The following INTU variants were observed in gnomAD, a reference collection of about 807,000 sequenced individuals.
INTU encodes protein inturned.
A neutral mutation model predicts 100.5 loss-of-function variants in INTU; 68 were observed. The ratio of observed to expected loss-of-function variants is 0.68; its 90% CI spans 0.56 to 0.83. The LOEUF (loss-of-function observed/expected upper bound fraction) is 0.83. INTU is among the 40% of genes least tolerant of loss of function. The pLI is 0.00. For missense variants in INTU, 1,071 were observed against 1,114.7 expected, an observed-to-expected ratio of 0.96 and a Z score of 0.56; for synonymous variants, 357 against 395.7, an observed-to-expected ratio of 0.90 and a Z score of 1.16.
chr4:127,656,622 T>TA lies in INTU; in HGVS notation c.683-13dup, dbSNP rs753699061. The TA allele has an allele frequency of 6.3e-7, 1 of 1,584,100 alleles. No homozygotes were observed. The highest frequency in any genetic ancestry group is 8.7e-7 in the Non-Finnish European group (1 of 1,153,460). The stretch of plus-strand genomic sequence containing the variant: ...TATTCATAAAACTATCTTTTATTGT[T>TA]ATTCTGGTTTCAGGTGATGTCCTTG... On this transcript the variant is annotated splice_polypyrimidine_tract_variant and intron_variant, in intron 2 of 15. Coordinates refer to ENST00000335251, the MANE Select transcript of INTU (RefSeq NM_015693.4).
intron 8 of INTU, among the ~76,000 whole-genome samples, chr4:127,689,195 G>C (rs1729991068): frequency 6.6e-6 from 1 of 151,430 alleles, no homozygotes; most frequent in Admixed American, 6.6e-5. Flanking sequence ...TGTTTCCCAG[G>C]CTGGTCTCGA....
In INTU at chr4:127,637,394, T is replaced by A. The variant is rs557625444; in HGVS notation, c.146+4214T>A. Among the ~76,000 whole-genome samples the A allele has an allele frequency of 2.4e-3, 364 of 152,372 alleles. 2 individuals carry two copies. Among genetic ancestry groups the A allele is most frequent in the African/African-American group, 8.3e-3 (346 of 41,592 alleles). ...AGATCTGTCCCAAGTCTTTCTTGTC[T>A]CATTTCTATTGATCTCCCTGTTCAT... On this transcript the variant is annotated intron_variant, in intron 1 of 15. Transcript: ENST00000335251.
chr4:127,678,387 A>G lies in INTU; in HGVS notation c.1181+4174A>G, dbSNP rs1305681688. ...TTACCCACAAAGGGAAGCCCATCAG[A>G]CTAACAGTGGATCTCTCGGCAGAAA... On this transcript the variant is annotated intron_variant, in intron 6 of 15. Coordinates refer to ENST00000335251, the MANE Select transcript of INTU (RefSeq NM_015693.4). 2.6e-5 allele frequency among the ~76,000 whole-genome samples: 4 copies of G among 152,370 alleles called. No homozygotes were observed. In the South Asian group the frequency reaches 8.3e-4, roughly 32 times the overall value.
intron 6 of INTU, among the ~76,000 whole-genome samples, chr4:127,676,771 A>G (rs1210450250): frequency 6.6e-6 from 1 of 152,160 alleles, no homozygotes; most frequent in Non-Finnish European, 1.5e-5. Flanking sequence ...GCAGCGCACC[A>G]TGCCTGAGCC....
In INTU at chr4:127,652,446, G is replaced by C. The variant is rs1267807610; in HGVS notation, c.683-4190G>C. ...TTAGCATGAAGGGTTGTTGAATTTT[G>C]TCAAAGGCTTTTTCTGCATCTATTG... On this transcript the variant is annotated intron_variant, in intron 2 of 15. Coordinates refer to ENST00000335251, the MANE Select transcript of INTU (RefSeq NM_015693.4). 3.6e-4 allele frequency among the ~76,000 whole-genome samples: 44 copies of C among 121,938 alleles called. No homozygotes were observed. The East Asian group carries it at 9.0e-3, about 25-fold the overall frequency. The allele number at this position is 121,938 out of a possible 152,430, so 80.0% of individuals were successfully genotyped here.
Position 127,643,530 on chromosome 4 carries a change from G to A in INTU, c.156G>A (p.Glu52=). Residue 52 remains glutamate, a synonymous_variant, in exon 2 of 16, where the codon GAG becomes GAA. Transcript: ENST00000335251. The part of the protein sequence containing the change: ...SSASSDYDDL[E]PEWLDSVQKN... ...TTTCTCTCTTTCATAGTGATCTTGA[G>A]CCTGAATGGCTGGACAGTGTGCAGA... 2 of 1,590,188 alleles carry A rather than the reference G, an allele frequency of 1.3e-6. No individual in the cohort carries two copies. The highest frequency in any genetic ancestry group is 4.5e-5 in the East Asian group (2 of 44,738).
Position 127,643,654 on chromosome 4 carries a change from G to T in INTU, c.280G>T (p.Glu94Ter). 1 of 1,613,810 alleles carries T rather than the reference G, an allele frequency of 6.2e-7. No homozygotes were observed. Among genetic ancestry groups the T allele is most frequent in the Non-Finnish European group, 8.5e-7 (1 of 1,179,942 alleles). Reference sequence around the variant, plus strand: ...GAACCATGTCAGGTTCAGTGAAAATGAGATTATCATTGAAGATGACTACAA... The same window carrying T: ...GAACCATGTCAGGTTCAGTGAAAATTAGATTATCATTGAAGATGACTACAA... Reference protein sequence around the residue: ...TVNHVRFSENEIIIEDDYKER... With the variant: ...TVNHVRFSEN The change falls in exon 2 of 16, where the codon GAG becomes TAG. Residue 94 changes from glutamate (E) to a stop codon, truncating the protein, a stop_gained. Coordinates refer to ENST00000335251, the MANE Select transcript of INTU (RefSeq NM_015693.4). LOFTEE classifies it high-confidence loss of function.
chr4:127,669,017 C>A lies in INTU; in HGVS notation c.973-19C>A. Reference sequence around the variant, plus strand: ...TGGTTGGAAAATTGGGTGGTTTGATCATTTGTTTCATTTAACAGCAGGAAA... The same window carrying A: ...TGGTTGGAAAATTGGGTGGTTTGATAATTTGTTTCATTTAACAGCAGGAAA... On this transcript the variant is annotated intron_variant, in intron 4 of 15. Coordinates refer to ENST00000335251, the MANE Select transcript of INTU (RefSeq NM_015693.4). 1.7e-6 allele frequency: 2 copies of A among 1,160,954 alleles called. No homozygotes were observed. Among genetic ancestry groups the A allele is most frequent in the South Asian group, 1.5e-5 (1 of 66,708 alleles). The allele number at this position is 1,160,954 out of a possible 1,614,324, so 71.9% of individuals were successfully genotyped here.
rs1731414368 is a variant in INTU at position 127,726,216 on chromosome 4, G to A, written c.*9780G>A. On this transcript the variant is annotated 3_prime_UTR_variant, in exon 16 of 16. Transcript: ENST00000335251. ...AAAGAAGTGTACCTAGTAAGGGAAT[G>A]TTTCTTATTTGTGCCAAGGGACTAT... 1 of 152,128 alleles carries A rather than the reference G, an allele frequency of 6.6e-6. No homozygotes were observed. The highest frequency in any genetic ancestry group is 1.5e-5 in the Non-Finnish European group (1 of 68,018). The allele number at this position is 152,128 out of a possible 1,614,324, so 9.4% of individuals were successfully genotyped here. A position where few individuals can be genotyped will look rare whatever the true frequency, so the allele number is the denominator to read the frequency against.
At chr4:127,711,451 T>C (rs1235684238) in intron 14 of INTU, among the ~76,000 whole-genome samples, 1 of 152,168 alleles carries the variant, frequency 6.6e-6, no homozygotes, top group East Asian at 1.9e-4. Flanking sequence ...AAAATAACTC[T>C]GATAATTCTT....
chr4:127,691,756 C>T (rs1046564333), intron 8 of INTU, among the ~76,000 whole-genome samples: 4 of 151,676 alleles, frequency 2.6e-5, no homozygotes, highest in Non-Finnish European at 5.9e-5. Flanking sequence ...CCTGCTCTTT[C>T]CCCCAAGTTC....
At chr4:127,669,185 T>A in intron 5 of INTU, 31 bp downstream of exon 5, 1 of 1,045,746 alleles carries the variant, frequency 9.6e-7, no homozygotes. Context: ...TTAATTCTGT[T>A]TTTTTCAAGT....
In INTU at chr4:127,643,672, G is replaced by A; in HGVS notation, c.298G>A (p.Asp100Asn). ...TGAAAATGAGATTATCATTGAAGAT[G>A]ACTACAAAGAAAGAAAAAAGTATGA... Reference protein sequence around the residue: ...FSENEIIIEDDYKERKKYEPK... With the variant: ...FSENEIIIEDNYKERKKYEPK... The change falls in exon 2 of 16, where the codon GAC (aspartate) becomes AAC (asparagine). Residue 100 changes from aspartate to asparagine, a missense_variant. Coordinates refer to ENST00000335251, the MANE Select transcript of INTU (RefSeq NM_015693.4). 1.9e-6 allele frequency: 3 copies of A among 1,613,214 alleles called. No homozygotes were observed. The highest frequency in any genetic ancestry group is 2.5e-6 in the Non-Finnish European group (3 of 1,179,854).
chr4:127,677,929 AAGGCTCG>A (rs1234692097), intron 6 of INTU, among the ~76,000 whole-genome samples: 1 of 152,256 alleles, frequency 6.6e-6, no homozygotes, highest in Non-Finnish European at 1.5e-5. Context: ...GTGGAAAGCC[AAGGCTCG>A]AGAACTACGT....
In INTU at chr4:127,640,570, TATATATATATATATATATATAC is replaced by T. The variant is rs1367546451; in HGVS notation, c.147-2945_147-2924del. Among the ~76,000 whole-genome samples the T allele has an allele frequency of 5.7e-3, 420 of 73,224 alleles. 20 individuals carry two copies. Among genetic ancestry groups the T allele is most frequent in the African/African-American group, 0.022 (372 of 17,054 alleles). The allele number at this position is 73,224 out of a possible 152,430, so 48.0% of individuals were successfully genotyped here. A position where few individuals can be genotyped will look rare whatever the true frequency, so the allele number is the denominator to read the frequency against. ...ATATATATATATATATATATATATA[TATATATATATATATATATATAC>T]ATATACATAAACACACATGTGTATA... is the stretch of plus-strand genomic sequence containing the variant. On this transcript the variant is annotated intron_variant, in intron 1 of 15. Coordinates refer to ENST00000335251, the MANE Select transcript of INTU (RefSeq NM_015693.4).
In INTU at chr4:127,724,020, T is replaced by C. The variant is rs1731384210; in HGVS notation, c.*7584T>C. 6.6e-6 allele frequency: 1 copy of C among 152,198 alleles called. No individual in the cohort carries two copies. Among genetic ancestry groups the C allele is most frequent in the African/African-American group, 2.4e-5 (1 of 41,442 alleles). The allele number at this position is 152,198 out of a possible 1,614,324, so 9.4% of individuals were successfully genotyped here. A position where few individuals can be genotyped will look rare whatever the true frequency, so the allele number is the denominator to read the frequency against. ...TATATTTCACATGCATTTTATATAATTCATGAATTTCAGGAAAGCTGCATG... is the reference window on the plus strand; with the variant it reads ...TATATTTCACATGCATTTTATATAACTCATGAATTTCAGGAAAGCTGCATG... On this transcript the variant is annotated 3_prime_UTR_variant, in exon 16 of 16. Coordinates refer to ENST00000335251, the MANE Select transcript of INTU (RefSeq NM_015693.4).
intron 2 of INTU, among the ~76,000 whole-genome samples, 159 bp downstream of exon 2, chr4:127,644,215 A>C (rs1475142477): frequency 6.6e-6 from 1 of 152,260 alleles, no homozygotes; most frequent in Non-Finnish European, 1.5e-5. Context: ...CACATGGTGC[A>C]CTACAAGGCA....
chr4:127,669,771 A>G (rs1728842435), intron 5 of INTU, among the ~76,000 whole-genome samples: 1 of 151,888 alleles, frequency 6.6e-6, no homozygotes, highest in South Asian at 2.1e-4. Context: ...ATGTGTACAC[A>G]TTATTTAGCT....
chr4:127,698,308 A>G (rs372340339), intron 8 of INTU, among the ~76,000 whole-genome samples: 4 of 151,736 alleles, frequency 2.6e-5, no homozygotes, highest in Middle Eastern at 3.4e-3. Context: ...TAAAAATACA[A>G]AAAATTAGGC....
Sources: gnomAD v4.1 joint callset for allele counts (sites outside exome capture counted in the v4.1 genomes callset) on GRCh38, gnomAD v4.1.1 for gene constraint, MANE v1.5 for transcripts, NCBI Gene and HGNC (gene_info 2026-07-23, HGNC 2026-07-21) for gene names.